PTPRD: variants seen among roughly 807,000 people sequenced by gnomAD.
PTPRD encodes the protein protein tyrosine phosphatase receptor type D, also known as receptor-type tyrosine-protein phosphatase delta.
PTPRD carries 34 observed loss-of-function variants against 214.5 expected under a neutral mutation model. The ratio of observed to expected loss-of-function variants is 0.16; its 90% CI spans 0.12 to 0.21. The LOEUF (loss-of-function observed/expected upper bound fraction) is 0.21, where lower values mean the gene tolerates loss of function less well. Ranked by LOEUF, PTPRD falls within the 10% of genes least tolerant of loss-of-function variation. The pLI, the probability that PTPRD is intolerant of heterozygous loss-of-function variation, is 1.00. For synonymous variants in PTPRD, 1,128 were observed against 845.7 expected, an observed-to-expected ratio of 1.33 and a Z score of -5.79; for missense variants, 2,545 against 2,398.7, an observed-to-expected ratio of 1.06 and a Z score of -1.27.
intron 11 of PTPRD, among the ~76,000 whole-genome samples, chr9:8,906,820 C>T (rs563844233): frequency 3.3e-5 from 5 of 151,998 alleles, no homozygotes; most frequent in South Asian, 4.2e-4. Flanking sequence ...CAGGGAGATC[C>T]GAAAAATGAG....
chr9:8,508,409 C>T (rs113119150), intron 21 of PTPRD, among the ~76,000 whole-genome samples: 8 of 152,174 alleles, frequency 5.3e-5, no homozygotes, highest in African/African-American at 1.4e-4. Flanking sequence ...CACATCTAAT[C>T]GTACATTGTT....
chr9:9,490,900 G>T (rs1025908009), intron 8 of PTPRD, among the ~76,000 whole-genome samples: 3 of 151,240 alleles, frequency 2.0e-5, no homozygotes, highest in Non-Finnish European at 4.4e-5. Context: ...ATAAATGAAC[G>T]AATTGTTTGT....
intron 9 of PTPRD, among the ~76,000 whole-genome samples, chr9:9,343,677 T>C (rs908948066): frequency 7.9e-5 from 12 of 152,046 alleles, no homozygotes; most frequent in Non-Finnish European, 2.9e-5. Context: ...AAACAAGCAG[T>C]GCTATGAAAA....
At chr9:9,602,389 T>G (rs7046780) in intron 7 of PTPRD, among the ~76,000 whole-genome samples, 74,079 of 151,744 alleles carry the variant, frequency 0.49, 18,739 homozygotes, top group African/African-American at 0.54. Flanking sequence ...AAAGCAATGG[T>G]CATTTAAAAC....
intron 11 of PTPRD, among the ~76,000 whole-genome samples, chr9:8,736,763 T>C (rs991587901): frequency 6.6e-6 from 1 of 152,100 alleles, no homozygotes; most frequent in Non-Finnish European, 1.5e-5. Flanking sequence ...GGAAAACTTC[T>C]TGAATCCAGA....
chr9:9,391,373 A>C (rs565418754), intron 9 of PTPRD, among the ~76,000 whole-genome samples: 22 of 152,320 alleles, frequency 1.4e-4, no homozygotes, highest in African/African-American at 5.3e-4. Context: ...AGAATAAAAA[A>C]TATAAGACTT....
At chr9:8,791,432 G>A (rs926832406) in intron 11 of PTPRD, among the ~76,000 whole-genome samples, 1 of 151,540 alleles carries the variant, frequency 6.6e-6, no homozygotes. Flanking sequence ...CACCATGTTG[G>A]TCAGGCTGGT....
In PTPRD at chr9:9,307,456, T is replaced by C. The variant is rs558364492; in HGVS notation, c.-203+89993A>G. ...CCTGCACCATCTTTACTCATAAGCTTAAGGGTACGATTGCTAAGATAGAAA... is the reference window on the plus strand; with the variant it reads ...CCTGCACCATCTTTACTCATAAGCTCAAGGGTACGATTGCTAAGATAGAAA... On this transcript the variant is annotated intron_variant, in intron 9 of 45. Transcript: ENST00000381196. 2.6e-3 allele frequency among the ~76,000 whole-genome samples: 392 copies of C among 152,326 alleles called. 3 individuals are homozygous for C. Among genetic ancestry groups the C allele is most frequent in the African/African-American group, 8.8e-3 (366 of 41,590 alleles).
rs191717936 is a variant in PTPRD, at chr9:10,478,890, T to A, written c.-600+133508A>T. Among the ~76,000 whole-genome samples the A allele has an allele frequency of 1.2e-3, 182 of 152,050 alleles. 5 individuals carry two copies. The highest frequency in any genetic ancestry group is 0.011 in the Admixed American group (169 of 15,244). On this transcript the variant is annotated intron_variant, in intron 2 of 45. Coordinates refer to ENST00000381196, the MANE Select transcript of PTPRD (RefSeq NM_002839.4). The stretch of plus-strand genomic sequence containing the variant: ...TATTAGTATTTACTATCCAGTGAGA[T>A]CTTGAAATGAAATTTCAAACCTAAA...
At chr9:10,355,536 C>G (rs1237874201) in intron 2 of PTPRD, among the ~76,000 whole-genome samples, 1 of 149,024 alleles carries the variant, frequency 6.7e-6, no homozygotes, top group Non-Finnish European at 1.5e-5. Flanking sequence ...TGGAGTGCAA[C>G]GGCACGATCT....
chr9:10,338,858 T>G (rs1405179658), intron 3 of PTPRD, among the ~76,000 whole-genome samples: 1 of 151,738 alleles, frequency 6.6e-6, no homozygotes, highest in African/African-American at 2.4e-5. Context: ...GCTTAGCAGA[T>G]ATATAGCTTA....
chr9:9,985,812 TTATCA>T (rs1432513257), intron 4 of PTPRD, among the ~76,000 whole-genome samples: 1 of 151,884 alleles, frequency 6.6e-6, no homozygotes, highest in African/African-American at 2.4e-5. Context: ...TATTAATGAG[TTATCA>T]TATTTGAAAG....
chr9:9,749,501 A>C (rs2098493863), intron 6 of PTPRD, among the ~76,000 whole-genome samples: 1 of 152,154 alleles, frequency 6.6e-6, no homozygotes, highest in Non-Finnish European at 1.5e-5. Flanking sequence ...GATTATAATA[A>C]AACACTGGAT....
intron 11 of PTPRD, among the ~76,000 whole-genome samples, chr9:8,763,417 G>C (rs1009976425): frequency 6.6e-6 from 1 of 152,040 alleles, no homozygotes; most frequent in South Asian, 2.1e-4. Context: ...GGGAGGCTGA[G>C]GCATGAGAAC....
chr9:9,717,202 T>G (rs987848991), intron 7 of PTPRD, among the ~76,000 whole-genome samples: 2 of 152,206 alleles, frequency 1.3e-5, no homozygotes, highest in Non-Finnish European at 2.9e-5. Context: ...TCTGTTCCAT[T>G]GATCTATATC....
rs2099257379 is a variant in PTPRD, at chr9:8,974,565, G to A, written c.-104+44132C>T. 2.0e-5 allele frequency among the ~76,000 whole-genome samples: 3 copies of A among 151,924 alleles called. No individual in the cohort carries two copies. In the South Asian group the frequency reaches 6.2e-4, roughly 32 times the overall value. ...TTCGAAGGCCAAGGAGCTATTTTCAGGATGGCATCTGTTGCCATCAGTAGA... is the reference window on the plus strand; with the variant it reads ...TTCGAAGGCCAAGGAGCTATTTTCAAGATGGCATCTGTTGCCATCAGTAGA... On this transcript the variant is annotated intron_variant, in intron 11 of 45. Transcript: ENST00000381196.
intron 6 of PTPRD, among the ~76,000 whole-genome samples, chr9:9,751,417 A>G (rs1364716896): frequency 2.0e-5 from 3 of 152,112 alleles, no homozygotes; most frequent in Non-Finnish European, 2.9e-5. Context: ...ACTCATCTCT[A>G]CAATGGGAAT....
At chr9:8,597,042 G>C (rs922130067) in intron 14 of PTPRD, among the ~76,000 whole-genome samples, 4 of 151,994 alleles carry the variant, frequency 2.6e-5, no homozygotes, top group African/African-American at 9.7e-5. Context: ...TGGTAGATTT[G>C]CTCAAATAAA....
intron 30 of PTPRD, among the ~76,000 whole-genome samples, chr9:8,475,106 C>A (rs527683216): frequency 6.6e-6 from 1 of 152,208 alleles, no homozygotes; most frequent in Admixed American, 6.5e-5. Context: ...GCTGTGTGTT[C>A]CTGCTGCTCC....
Sources: allele counts gnomAD v4.1 joint callset (sites outside exome capture counted in the v4.1 genomes callset), GRCh38; gene constraint gnomAD v4.1.1; transcripts MANE v1.5; gene names NCBI Gene and HGNC (gene_info 2026-07-23, HGNC 2026-07-21).